The following TRIQK variants were observed in gnomAD, a reference collection of about 807,000 sequenced individuals.
The protein encoded by TRIQK is triple QxxK/R motif-containing protein.
In TRIQK, 10 loss-of-function variants were observed where a neutral mutation model predicts 10.8. The ratio of observed to expected loss-of-function variants is 0.92; its 90% CI spans 0.57 to 1.57. The LOEUF is 1.57. Ranked by LOEUF, TRIQK falls within the 40% of genes most tolerant of loss-of-function variation. The pLI, the probability that TRIQK is intolerant of heterozygous loss-of-function variation, is 0.00. For synonymous variants in TRIQK, 33 were observed against 33.7 expected, an observed-to-expected ratio of 0.98 and a Z score of 0.07; for missense variants, 107 against 97.7, an observed-to-expected ratio of 1.09 and a Z score of -0.40.
At chr8:92,886,961 T>A in intron 4 of TRIQK, 1 of 302,652 alleles carries the variant, frequency 3.3e-6, no homozygotes, top group Non-Finnish European at 6.1e-6. Flanking sequence ...ATTAGTATTA[T>A]TATTTCTAGC....
Position 92,916,999 on chromosome 8 carries a change from C to T in TRIQK, c.-10G>A, listed in dbSNP as rs1809893050. ...CATCTTTTCTACCCATCTTTGATCT[C>T]CAAAATGCCTGCTGAAAAGAAAACA... is the stretch of plus-strand genomic sequence containing the variant. On this transcript the variant is annotated 5_prime_UTR_variant, in exon 3 of 5. Coordinates refer to ENST00000521988, the MANE Select transcript of TRIQK (RefSeq NM_001171797.2). 1 of 1,492,620 alleles carries T rather than the reference C, an allele frequency of 6.7e-7. No homozygotes were observed. The highest frequency in any genetic ancestry group is 8.9e-7 in the Non-Finnish European group (1 of 1,128,120). The allele number at this position is 1,492,620 out of a possible 1,614,324, so 92.5% of individuals were successfully genotyped here.
At chr8:92,957,850 C>T (rs559918176) in intron 1 of TRIQK, among the ~76,000 whole-genome samples, 28 of 151,982 alleles carry the variant, frequency 1.8e-4, no homozygotes, top group African/African-American at 6.0e-4. Flanking sequence ...TTACCTACCA[C>T]GTAAGTTCCT....
intron 1 of TRIQK, among the ~76,000 whole-genome samples, chr8:93,003,817 T>A (rs943681173): frequency 6.6e-6 from 1 of 152,212 alleles, no homozygotes; most frequent in Non-Finnish European, 1.5e-5. Flanking sequence ...ACAAGCCCCA[T>A]GCAAATTCAA....
intron 2 of TRIQK, among the ~76,000 whole-genome samples, chr8:92,918,904 TGAAA>T (rs1429281449): frequency 6.6e-6 from 1 of 151,928 alleles, no homozygotes; most frequent in African/African-American, 2.4e-5. Flanking sequence ...TTGTATATGA[TGAAA>T]GATAGAGAAT....
At chr8:92,933,635 A>G (rs1810843469) in intron 2 of TRIQK, among the ~76,000 whole-genome samples, 1 of 152,146 alleles carries the variant, frequency 6.6e-6, no homozygotes, top group Admixed American at 6.6e-5. Flanking sequence ...AAGATAAGGC[A>G]TAAAGATTCT....
chr8:92,967,821 C>CAAAAAAA (rs34531122), upstream of TRIQK, among the ~76,000 whole-genome samples: 2 of 82,336 alleles, frequency 2.4e-5, no homozygotes, highest in East Asian at 3.4e-4. Context: ...GACTCCATCT[C>CAAAAAAA]AAAAAAAAAA....
intron 1 of TRIQK, among the ~76,000 whole-genome samples, chr8:93,008,760 T>TG (rs1813299037): frequency 6.6e-6 from 1 of 152,172 alleles, no homozygotes; most frequent in Non-Finnish European, 1.5e-5. Context: ...ATTGTGCTGC[T>TG]GGAAAAATTA....
intron 1 of TRIQK, among the ~76,000 whole-genome samples, chr8:92,982,875 A>G (rs1414317504): frequency 6.6e-6 from 1 of 151,940 alleles, no homozygotes; most frequent in African/African-American, 2.4e-5. Flanking sequence ...ACCCACTGCA[A>G]TCCATTTTGA....
At chr8:92,994,015 A>AC (rs1813124492) in intron 1 of TRIQK, among the ~76,000 whole-genome samples, 2 of 152,182 alleles carry the variant, frequency 1.3e-5, no homozygotes, top group Admixed American at 1.3e-4. Flanking sequence ...CCAGAAAGGA[A>AC]CCACAAAGAC....
chr8:92,942,851 C>T (rs749158356), intron 2 of TRIQK, among the ~76,000 whole-genome samples: 1 of 152,006 alleles, frequency 6.6e-6, no homozygotes, highest in African/African-American at 2.4e-5. Flanking sequence ...CCTGCCACCA[C>T]GCCTGGCTAA....
intron 1 of TRIQK, among the ~76,000 whole-genome samples, chr8:93,009,718 G>A (rs1813313315): frequency 6.6e-6 from 1 of 152,022 alleles, no homozygotes; most frequent in Admixed American, 6.5e-5. Context: ...AAAACATTAT[G>A]GAGGTTCCTC....
At chr8:92,905,948 A>G (rs577560661) in intron 3 of TRIQK, among the ~76,000 whole-genome samples, 2 of 152,324 alleles carry the variant, frequency 1.3e-5, no homozygotes, top group South Asian at 4.1e-4. Context: ...GCTTCCAGTC[A>G]TGAACTGGAG....
rs575991263 is a variant in TRIQK, at chr8:92,935,402, C to A, written c.-21-18392G>T. ...AGCGTGTTCATTCTGTGAAAATTCACCGTCTACATATTCTGTTTTGTGCAC... is the reference window on the plus strand; with the variant it reads ...AGCGTGTTCATTCTGTGAAAATTCAACGTCTACATATTCTGTTTTGTGCAC... On this transcript the variant is annotated intron_variant, in intron 2 of 4. Coordinates refer to ENST00000521988, the MANE Select transcript of TRIQK (RefSeq NM_001171797.2). 7.2e-5 allele frequency among the ~76,000 whole-genome samples: 11 copies of A among 151,772 alleles called. No homozygotes were observed. In the East Asian group the frequency reaches 2.1e-3, roughly 29 times the overall value.
chr8:92,898,349 T>C (rs777585444), intron 3 of TRIQK, among the ~76,000 whole-genome samples: 1 of 152,162 alleles, frequency 6.6e-6, no homozygotes, highest in Non-Finnish European at 1.5e-5. Flanking sequence ...CCGTAACTAC[T>C]GTAGTTGAAA....
At chr8:93,010,455 T>A (rs1042642431) in intron 1 of TRIQK, among the ~76,000 whole-genome samples, 5 of 152,110 alleles carry the variant, frequency 3.3e-5, no homozygotes, top group Admixed American at 1.3e-4. Context: ...TTTCAATACA[T>A]GTTTAAAAGA....
intron 2 of TRIQK, among the ~76,000 whole-genome samples, chr8:92,935,775 T>A (rs1810957359): frequency 6.6e-6 from 1 of 151,456 alleles, no homozygotes; most frequent in Non-Finnish European, 1.5e-5. Flanking sequence ...CAGCAGAGAT[T>A]AACATTATAT....
intron 2 of TRIQK, among the ~76,000 whole-genome samples, chr8:92,943,797 A>G (rs1795418995): frequency 6.6e-6 from 1 of 152,196 alleles, no homozygotes; most frequent in Admixed American, 6.5e-5. Context: ...TTTTTTGGGT[A>G]AGATCCCAAA....
intron 2 of TRIQK, among the ~76,000 whole-genome samples, chr8:92,932,070 C>T (rs1048998827): frequency 6.6e-6 from 1 of 152,164 alleles, no homozygotes; most frequent in Non-Finnish European, 1.5e-5. Flanking sequence ...AAACTTCAAG[C>T]CGTCAGCTTC....
chr8:93,006,075 A>G (rs1813267974), intron 1 of TRIQK, among the ~76,000 whole-genome samples: 1 of 152,184 alleles, frequency 6.6e-6, no homozygotes, highest in Non-Finnish European at 1.5e-5. Flanking sequence ...CTACAAAAAT[A>G]ATAAGATACT....
Sources: allele counts gnomAD v4.1 joint callset (sites outside exome capture counted in the v4.1 genomes callset), GRCh38; gene constraint gnomAD v4.1.1; transcripts MANE v1.5; gene names NCBI Gene and HGNC (gene_info 2026-07-23, HGNC 2026-07-21).